Variants in BTBD9 observed in about 807,000 individuals in gnomAD.
BTBD9 encodes the protein BTB domain containing 9.
BTBD9 carries 49 observed loss-of-function variants against 64.3 expected under a neutral mutation model. The observed-to-expected ratio is 0.76, with a 90% CI of 0.61 to 0.97. The LOEUF (loss-of-function observed/expected upper bound fraction) is 0.97, where lower values mean the gene tolerates loss of function less well. BTBD9 is among the 50% of genes least tolerant of loss of function. The pLI is 0.00. For missense variants in BTBD9, 598 were observed against 762.1 expected, an observed-to-expected ratio of 0.78 and a Z score of 2.53; for synonymous variants, 260 against 274.7, an observed-to-expected ratio of 0.95 and a Z score of 0.53.
At chr6:38,295,402 G>A (rs1762123523) in intron 7 of BTBD9, among the ~76,000 whole-genome samples, 1 of 152,132 alleles carries the variant, frequency 6.6e-6, no homozygotes, top group Non-Finnish European at 1.5e-5. Flanking sequence ...CTGGGCTCAA[G>A]CAATCCTCCT....
chr6:38,626,879 G>A lies in BTBD9; in HGVS notation c.-28+12921C>T, dbSNP rs117733138. On this transcript the variant is annotated intron_variant, in intron 1 of 10. Transcript: ENST00000481247. ...AGAAATAGTAGAACACAGTCATCCC[G>A]CCTTGAGAGAATTAACCTTCCTTAA... Among the ~76,000 whole-genome samples the A allele has an allele frequency of 4.9e-3, 751 of 152,218 alleles. 8 individuals carry two copies. Among genetic ancestry groups the A allele is most frequent in the East Asian group, 0.036 (189 of 5,180 alleles).
At chr6:38,337,290 T>G (rs1277344527) in intron 7 of BTBD9, among the ~76,000 whole-genome samples, 1 of 152,236 alleles carries the variant, frequency 6.6e-6, no homozygotes, top group Non-Finnish European at 1.5e-5. Context: ...CCAAAAACCC[T>G]TAACAGCCCA....
At chr6:38,376,146 T>C (rs1436890305) in intron 6 of BTBD9, among the ~76,000 whole-genome samples, 1 of 152,178 alleles carries the variant, frequency 6.6e-6, no homozygotes, top group African/African-American at 2.4e-5. Flanking sequence ...GTGGCATTTT[T>C]TTCCCCCACA....
intron 6 of BTBD9, among the ~76,000 whole-genome samples, chr6:38,367,786 G>A (rs893386663): frequency 6.2e-5 from 7 of 112,532 alleles, no homozygotes; most frequent in African/African-American, 2.4e-4. Context: ...CAAGAGTGTT[G>A]CACCAGAAAT....
At chr6:38,459,737 A>T (rs1769987632) in intron 6 of BTBD9, among the ~76,000 whole-genome samples, 1 of 152,186 alleles carries the variant, frequency 6.6e-6, no homozygotes, top group African/African-American at 2.4e-5. Context: ...ACACCTTCAC[A>T]GTTAAAAATT....
At chr6:38,522,198 C>A (rs1054242641) in intron 6 of BTBD9, among the ~76,000 whole-genome samples, 5 of 152,182 alleles carry the variant, frequency 3.3e-5, no homozygotes, top group African/African-American at 1.2e-4. Flanking sequence ...TAGAACAGTG[C>A]CTGCTAAGGC....
intron 9 of BTBD9, among the ~76,000 whole-genome samples, chr6:38,227,166 C>CAGA (rs1180798248): frequency 2.0e-5 from 3 of 152,200 alleles, no homozygotes; most frequent in Non-Finnish European, 4.4e-5. Flanking sequence ...AAAGGAGATG[C>CAGA]AGAACACTGT....
intron 3 of BTBD9, among the ~76,000 whole-genome samples, chr6:38,593,670 A>G (rs1776908902): frequency 6.6e-6 from 1 of 152,222 alleles, no homozygotes; most frequent in African/African-American, 2.4e-5. Context: ...TGCAATACCA[A>G]AAAGGACCCT....
chr6:38,176,651 G>A (rs928939981), intron 10 of BTBD9, among the ~76,000 whole-genome samples: 2 of 152,160 alleles, frequency 1.3e-5, no homozygotes, highest in Non-Finnish European at 2.9e-5. Context: ...CAACTGGAGG[G>A]GCTAGGTCCT....
intron 9 of BTBD9, among the ~76,000 whole-genome samples, chr6:38,244,536 C>G (rs962359173): frequency 3.3e-5 from 5 of 151,896 alleles, no homozygotes; most frequent in Non-Finnish European, 5.9e-5. Flanking sequence ...ATTAACCAGA[C>G]GAACTTGGGA....
intron 6 of BTBD9, among the ~76,000 whole-genome samples, chr6:38,557,450 GCTCT>G (rs1775078778): frequency 6.6e-6 from 1 of 152,200 alleles, no homozygotes; most frequent in African/African-American, 2.4e-5. Flanking sequence ...AGTTCAATAT[GCTCT>G]CTAAGCCTCA....
intron 6 of BTBD9, among the ~76,000 whole-genome samples, chr6:38,442,661 CTTTTTTTTTTTTT>C (rs11313452): frequency 1.4e-4 from 8 of 57,568 alleles, no homozygotes; most frequent in Admixed American, 2.5e-4. Context: ...CATTTGTACT[CTTTTTTTTTTTTT>C]TTTTTTTTTT....
At chr6:38,235,942 T>C (rs1362087199) in intron 9 of BTBD9, among the ~76,000 whole-genome samples, 3 of 152,034 alleles carry the variant, frequency 2.0e-5, no homozygotes, top group African/African-American at 4.8e-5. Context: ...TTGGGCATAG[T>C]GACAATGAAA....
At position 38,191,297 on chromosome 6, in the gene BTBD9, T is replaced by G. The variant is rs539837458; in HGVS notation, c.1641+1222A>C. On this transcript the variant is annotated intron_variant, in intron 10 of 10. Coordinates refer to ENST00000481247, the MANE Select transcript of BTBD9 (RefSeq NM_001099272.2). ...AATATTTTCACGTTTAAAAATGCTT[T>G]TTGAAGTACCAGAAACACCTTGATG... Among the ~76,000 whole-genome samples, 4 of 152,320 alleles carry G rather than the reference T, an allele frequency of 2.6e-5. No homozygotes were observed. The South Asian group carries it at 8.3e-4, about 32-fold the overall frequency.
chr6:38,321,090 G>A (rs540286838), intron 7 of BTBD9, among the ~76,000 whole-genome samples: 1 of 152,210 alleles, frequency 6.6e-6, no homozygotes, highest in Non-Finnish European at 1.5e-5. Context: ...CAGTACAGTG[G>A]CTAAGGGAGG....
chr6:38,180,538 T>A (rs988098670), intron 10 of BTBD9, among the ~76,000 whole-genome samples: 1 of 138,238 alleles, frequency 7.2e-6, no homozygotes, highest in Non-Finnish European at 1.6e-5. Context: ...TCCCTCTAGG[T>A]GGAACAGCCA....
chr6:38,427,940 T>C (rs764119870), intron 6 of BTBD9, among the ~76,000 whole-genome samples: 3 of 152,020 alleles, frequency 2.0e-5, no homozygotes, highest in Non-Finnish European at 4.4e-5. Flanking sequence ...AACAGTGTAA[T>C]GTTTGAGGGA....
chr6:38,341,540 A>C (rs900042380), intron 7 of BTBD9, among the ~76,000 whole-genome samples: 2 of 152,266 alleles, frequency 1.3e-5, no homozygotes, highest in Non-Finnish European at 2.9e-5. Context: ...TTTAAACACA[A>C]GATTAAAAGG....
intron 6 of BTBD9, among the ~76,000 whole-genome samples, chr6:38,474,420 G>A (rs761943249): frequency 1.3e-5 from 2 of 152,128 alleles, no homozygotes; most frequent in Non-Finnish European, 2.9e-5. Context: ...CTACTCAGGC[G>A]GCTGAGACAG....
Sources: allele counts gnomAD v4.1 joint callset (sites outside exome capture counted in the v4.1 genomes callset), GRCh38; gene constraint gnomAD v4.1.1; transcripts MANE v1.5; gene names NCBI Gene and HGNC (gene_info 2026-07-23, HGNC 2026-07-21).